The following DNAH7 variants were observed in gnomAD, a reference collection of about 807,000 sequenced individuals.
DNAH7 encodes the protein dynein axonemal heavy chain 7.
A neutral mutation model predicts 444.6 loss-of-function variants in DNAH7; 397 were observed. The ratio of observed to expected loss-of-function variants is 0.89; its 90% CI spans 0.82 to 0.97. The LOEUF is 0.97. DNAH7 is among the 50% of genes least tolerant of loss of function. DNAH7 has a pLI of 0.00. For missense variants in DNAH7, 4,902 were observed against 4,800.8 expected, an observed-to-expected ratio of 1.02 and a Z score of -0.62; for synonymous variants, 1,636 against 1,624.4, an observed-to-expected ratio of 1.01 and a Z score of -0.17.
chr2:195,850,012 C>T (rs1171361283), intron 46 of DNAH7, among the ~76,000 whole-genome samples: 2 of 152,120 alleles, frequency 1.3e-5, no homozygotes, highest in East Asian at 1.9e-4. Flanking sequence ...AGTAGGCATG[C>T]TAGCCTATGA....
chr2:196,046,697 GA>G (rs2125847654), intron 5 of DNAH7, among the ~76,000 whole-genome samples: 1 of 152,216 alleles, frequency 6.6e-6, no homozygotes, highest in African/African-American at 2.4e-5. Flanking sequence ...CTCCCTTCAA[GA>G]TGACCATCTA....
intron 58 of DNAH7, among the ~76,000 whole-genome samples, chr2:195,785,331 C>CTG (rs140652995): frequency 2.0e-4 from 31 of 151,846 alleles, no homozygotes; most frequent in South Asian, 8.3e-4. Flanking sequence ...CTCAGTCTGT[C>CTG]TGTGTGTGTG....
chr2:196,009,240 G>T, intron 10 of DNAH7, among the ~76,000 whole-genome samples: 1 of 152,076 alleles, frequency 6.6e-6, no homozygotes, highest in Non-Finnish European at 1.5e-5. Flanking sequence ...TATACGGCAT[G>T]GTGAAAATGA....
intron 21 of DNAH7, among the ~76,000 whole-genome samples, chr2:195,933,236 A>C (rs1223853407): frequency 2.0e-5 from 3 of 152,176 alleles, no homozygotes; most frequent in Non-Finnish European, 2.9e-5. Flanking sequence ...GCGATCATTA[A>C]AAAGTCAGGA....
At position 195,950,857 on chromosome 2, in the gene DNAH7, A is replaced by AAAAAC. The variant is rs1303268709; in HGVS notation, c.3078+6403_3078+6404insGTTTT. On this transcript the variant is annotated intron_variant, in intron 19 of 64. Transcript: ENST00000312428. ...ACAGAGTGGGACTCTGTCTCAAAAA[A>AAAAAC]AAAAAAAAAAAAAAAAAAAAAACCC... Among the ~76,000 whole-genome samples the AAAAAC allele has an allele frequency of 6.3e-5, 9 of 141,846 alleles. 1 individual carries two copies. Among genetic ancestry groups the AAAAAC allele is most frequent in the Non-Finnish European group, 1.2e-4 (8 of 66,716 alleles). The allele number at this position is 141,846 out of a possible 152,430, so 93.1% of individuals were successfully genotyped here.
intron 62 of DNAH7, among the ~76,000 whole-genome samples, chr2:195,754,951 G>A (rs75570526): frequency 0.018 from 2,748 of 152,182 alleles, 77 homozygotes; most frequent in African/African-American, 0.062. Context: ...TGGTATATTC[G>A]GTATTTGTCC....
At chr2:195,989,765 T>C (rs1399251038) in intron 12 of DNAH7, among the ~76,000 whole-genome samples, 1 of 152,104 alleles carries the variant, frequency 6.6e-6, no homozygotes, top group Non-Finnish European at 1.5e-5. Flanking sequence ...TTTAAAAGTG[T>C]GTGGTAACTC....
chr2:195,794,951 A>T (rs1056471266), intron 56 of DNAH7, among the ~76,000 whole-genome samples: 2 of 152,212 alleles, frequency 1.3e-5, no homozygotes, highest in Admixed American at 6.5e-5. Flanking sequence ...AGAATAAACA[A>T]GGCACTCAGA....
intron 17 of DNAH7, among the ~76,000 whole-genome samples, chr2:195,965,618 T>G (rs1006277772): frequency 2.0e-5 from 3 of 152,142 alleles, no homozygotes; most frequent in Admixed American, 6.5e-5. Flanking sequence ...CTGGGAGATT[T>G]TTTTATTATG....
intron 16 of DNAH7, among the ~76,000 whole-genome samples, chr2:195,970,505 A>C (rs934874088): frequency 2.0e-5 from 3 of 152,182 alleles, no homozygotes; most frequent in African/African-American, 7.2e-5. Context: ...ATAAACTGAA[A>C]AAAACGGAAT....
At chr2:195,997,262 C>T (rs1397575424) in intron 12 of DNAH7, among the ~76,000 whole-genome samples, 1 of 152,136 alleles carries the variant, frequency 6.6e-6, no homozygotes, top group Non-Finnish European at 1.5e-5. Flanking sequence ...CCTGTAATCC[C>T]AGCACTTTGG....
intron 31 of DNAH7, among the ~76,000 whole-genome samples, 184 bp from the exon 32 acceptor site, chr2:195,889,165 T>C (rs1358763572): frequency 6.6e-6 from 1 of 152,154 alleles, no homozygotes. Context: ...ATATAATATG[T>C]ATCACTAAAG....
intron 54 of DNAH7, among the ~76,000 whole-genome samples, chr2:195,806,136 T>C (rs1174979732): frequency 1.3e-5 from 2 of 152,156 alleles, no homozygotes; most frequent in Admixed American, 6.5e-5. Flanking sequence ...CATTGATATC[T>C]TTGTGGTATC....
At position 196,018,719 on chromosome 2, in the gene DNAH7, T is replaced by C. The variant is rs898005067; in HGVS notation, c.869+451A>G. ...GGGTTAATGGGTACAAGAAAATATATAGTTAGACAGAATGAATGAGACCTA... is the reference window on the plus strand; with the variant it reads ...GGGTTAATGGGTACAAGAAAATATACAGTTAGACAGAATGAATGAGACCTA... On this transcript the variant is annotated intron_variant, in intron 9 of 64. Transcript: ENST00000312428. 5.9e-5 allele frequency among the ~76,000 whole-genome samples: 9 copies of C among 152,094 alleles called. No individual in the cohort carries two copies. The South Asian group carries it at 6.2e-4, about 10-fold the overall frequency.
chr2:195,845,612 C>A (rs1698938013), intron 46 of DNAH7, among the ~76,000 whole-genome samples: 1 of 152,190 alleles, frequency 6.6e-6, no homozygotes, highest in African/African-American at 2.4e-5. Flanking sequence ...TGACTTTGAA[C>A]TATACTACAA....
At chr2:196,029,865 T>A (rs1014390477) in intron 5 of DNAH7, among the ~76,000 whole-genome samples, 2 of 152,154 alleles carry the variant, frequency 1.3e-5, no homozygotes, top group Non-Finnish European at 2.9e-5. Context: ...ATATTTATTT[T>A]TTTTTCTCTT....
intron 12 of DNAH7, chr2:195,995,268 G>A (rs1693621981): frequency 6.8e-6 from 3 of 444,304 alleles, no homozygotes; most frequent in East Asian, 5.8e-5. Context: ...TTGAATGTTG[G>A]TGATATCATA....
chr2:195,974,095 G>A (rs1211114577), intron 15 of DNAH7, among the ~76,000 whole-genome samples: 1 of 151,990 alleles, frequency 6.6e-6, no homozygotes, highest in Non-Finnish European at 1.5e-5. Context: ...AGGGGAAGGG[G>A]AAGGGAAGAA....
At chr2:195,987,420 C>T (rs1052826801) in intron 13 of DNAH7, among the ~76,000 whole-genome samples, 2 of 151,916 alleles carry the variant, frequency 1.3e-5, no homozygotes, top group Non-Finnish European at 2.9e-5. Context: ...CCAATTCAAT[C>T]TCAGGACAAT....
Sources: gnomAD v4.1 joint callset for allele counts (sites outside exome capture counted in the v4.1 genomes callset) on GRCh38, gnomAD v4.1.1 for gene constraint, MANE v1.5 for transcripts, NCBI Gene and HGNC (gene_info 2026-07-23, HGNC 2026-07-21) for gene names.